CLASP1: variants seen among roughly 807,000 people sequenced by gnomAD.
The protein encoded by CLASP1 is CLIP-associating protein 1.
Under a neutral mutation model 192.3 loss-of-function variants are expected in CLASP1, and 38 were observed. The ratio of observed to expected loss-of-function variants is 0.20; its 90% confidence interval spans 0.15 to 0.26. CLASP1 has a LOEUF of 0.26. CLASP1 is among the 10% of genes least tolerant of loss of function. The pLI is 1.00. For missense variants in CLASP1, 1,433 were observed against 1,932.5 expected (o/e 0.74, Z 4.85); for synonymous variants, 691 against 712.8 (o/e 0.97, Z 0.49).
intron 2 of CLASP1, among the ~76,000 whole-genome samples, chr2:121,554,062 A>G (rs1367780977): frequency 6.6e-6 from 1 of 151,734 alleles, no homozygotes; most frequent in African/African-American, 2.4e-5. Context: ...AAAAAAAAAA[A>G]AAACTTAGAT....
At chr2:121,640,824 A>G (rs566523960) in intron 1 of CLASP1, among the ~76,000 whole-genome samples, 1 of 152,330 alleles carries the variant, frequency 6.6e-6, no homozygotes, top group African/African-American at 2.4e-5. Context: ...TGACAATAGC[A>G]CCTGCCTTTA....
chr2:121,367,443 G>T, intron 35 of CLASP1, 145 bp downstream of exon 36: 1 of 1,058,662 alleles, frequency 9.4e-7, no homozygotes, highest in Non-Finnish European at 1.4e-6. Flanking sequence ...ATTCAGTTAA[G>T]TAGTGCCTGA....
chr2:121,439,851 G>A (rs1270056544), intron 19 of CLASP1, among the ~76,000 whole-genome samples: 1 of 146,290 alleles, frequency 6.8e-6, no homozygotes, highest in African/African-American at 2.6e-5. Context: ...GCCAAACACT[G>A]CATATTCTCA....
chr2:121,348,734 C>T lies in CLASP1; in HGVS notation c.4207-16G>A, dbSNP rs188761806. ...CTCTCACCACCTGAAACACCCAGTT[C>T]CCCCAAAGAGTGAGCTCCACATGCC... On this transcript the variant is annotated splice_polypyrimidine_tract_variant and intron_variant, in intron 37 of 39. Transcript: ENST00000263710. 1.4e-3 allele frequency: 2,242 copies of T among 1,576,192 alleles called. 14 individuals carry two copies. Among genetic ancestry groups the T allele is most frequent in the South Asian group, 0.011 (953 of 85,326 alleles).
At chr2:121,620,011 CAGG>C (rs2067065633) in intron 1 of CLASP1, among the ~76,000 whole-genome samples, 1 of 152,058 alleles carries the variant, frequency 6.6e-6, no homozygotes, top group Non-Finnish European at 1.5e-5. Context: ...CACCTGAGGT[CAGG>C]AGTTCAAGAC....
chr2:121,603,266 T>A lies in CLASP1; in HGVS notation c.195+2435A>T, dbSNP rs547597811. ...TCCAATTTTAAAAATGGACAAATAA[T>A]CTGAACAGACATTTCTCAAAGGAAG... On this transcript the variant is annotated intron_variant, in intron 2 of 39. Coordinates refer to ENST00000263710, the Ensembl canonical transcript of CLASP1. 2.6e-5 allele frequency: 4 copies of A among 151,704 alleles called. No homozygotes were observed. The East Asian group carries it at 5.8e-4, about 22-fold the overall frequency. 9.4% of individuals were successfully genotyped at this position (151,704 alleles called of 1,614,324 possible). A position where few individuals can be genotyped will look rare whatever the true frequency, so the allele number is the denominator to read the frequency against.
chr2:121,413,014 C>T (rs1449010728), intron 23 of CLASP1, among the ~76,000 whole-genome samples: 1 of 152,100 alleles, frequency 6.6e-6, no homozygotes, highest in East Asian at 1.9e-4. Context: ...TCCCAGCACT[C>T]TGGGAGGCCA....
chr2:121,413,657 A>G (rs1318192468), intron 23 of CLASP1, among the ~76,000 whole-genome samples: 1 of 152,252 alleles, frequency 6.6e-6, no homozygotes, highest in African/African-American at 2.4e-5. Context: ...ACTTATTTTC[A>G]TACATATGAA....
intron 8 of CLASP1, among the ~76,000 whole-genome samples, chr2:121,471,963 C>T (rs894758798): frequency 6.6e-6 from 1 of 152,118 alleles, no homozygotes; most frequent in African/African-American, 2.4e-5. Context: ...CTGAGTACTG[C>T]CAGCATTAGC....
At chr2:121,497,846 A>C (rs182038947) in intron 8 of CLASP1, among the ~76,000 whole-genome samples, 1 of 151,922 alleles carries the variant, frequency 6.6e-6, no homozygotes, top group African/African-American at 2.4e-5. Context: ...CAGCCTCCCG[A>C]ATAGCTAGGA....
At chr2:121,595,857 C>T (rs997178395) in intron 2 of CLASP1, among the ~76,000 whole-genome samples, 4 of 152,170 alleles carry the variant, frequency 2.6e-5, no homozygotes, top group Admixed American at 2.0e-4. Flanking sequence ...TATACATTTT[C>T]GTCAACTTCC....
chr2:121,495,609 C>T (rs759284084), intron 8 of CLASP1, among the ~76,000 whole-genome samples: 6 of 151,956 alleles, frequency 3.9e-5, no homozygotes, highest in Non-Finnish European at 7.4e-5. Context: ...TGCGGTGAGC[C>T]GAGATCATGC....
intron 2 of CLASP1, among the ~76,000 whole-genome samples, chr2:121,549,959 T>C (rs1347767585): frequency 6.8e-6 from 1 of 148,126 alleles, no homozygotes; most frequent in Non-Finnish European, 1.5e-5. Context: ...TGAGCCAAGA[T>C]TGTGCCACTG....
At chr2:121,403,565 C>T in intron 26 of CLASP1, 1 of 450,784 alleles carries the variant, frequency 2.2e-6, no homozygotes, top group Non-Finnish European at 4.5e-6. Context: ...TAAAGATTTG[C>T]TTCTGCTCAT....
chr2:121,519,035 C>T (rs764512803), intron 6 of CLASP1, among the ~76,000 whole-genome samples: 1 of 152,176 alleles, frequency 6.6e-6, no homozygotes, highest in Admixed American at 6.5e-5. Context: ...ACAATCAATA[C>T]CCAGGCAGCT....
chr2:121,414,409 C>T (rs1382874003), intron 23 of CLASP1, among the ~76,000 whole-genome samples: 1 of 152,146 alleles, frequency 6.6e-6, no homozygotes, highest in East Asian at 1.9e-4. Context: ...AGCTATTAAA[C>T]ACACAGGCAC....
intron 19 of CLASP1, among the ~76,000 whole-genome samples, chr2:121,441,120 T>C (rs1420081195): frequency 6.6e-6 from 1 of 152,210 alleles, no homozygotes; most frequent in Non-Finnish European, 1.5e-5. Flanking sequence ...TAGGCCTGGT[T>C]TTCCTATCTT....
chr2:121,469,043 T>C (rs960346645), intron 9 of CLASP1, among the ~76,000 whole-genome samples: 3 of 152,198 alleles, frequency 2.0e-5, no homozygotes, highest in Admixed American at 6.5e-5. Flanking sequence ...TTGTTGTTGC[T>C]GTTTTCTGTT....
chr2:121,511,643 A>C (rs921198204), intron 7 of CLASP1, among the ~76,000 whole-genome samples: 1 of 152,158 alleles, frequency 6.6e-6, no homozygotes, highest in Non-Finnish European at 1.5e-5. Flanking sequence ...TGCATAGTGA[A>C]AAGTATAATT....
Sources: allele counts gnomAD v4.1 joint callset (sites outside exome capture counted in the v4.1 genomes callset), GRCh38; gene constraint gnomAD v4.1.1; transcripts MANE v1.5; gene names NCBI Gene and HGNC (gene_info 2026-07-23, HGNC 2026-07-21).